Variants in CADPS observed in about 807,000 individuals in gnomAD.
CADPS encodes the protein calcium dependent secretion activator, also known as calcium-dependent secretion activator 1.
Under a neutral mutation model 167.3 loss-of-function variants are expected in CADPS, and 57 were observed. The ratio of observed to expected loss-of-function variants is 0.34; its 90% CI spans 0.28 to 0.42. The LOEUF (loss-of-function observed/expected upper bound fraction) is 0.42, where lower values mean the gene tolerates loss of function less well. CADPS is among the 20% of genes least tolerant of loss of function. CADPS has a pLI of 1.00. For synonymous variants in CADPS, 676 were observed against 635.3 expected (o/e 1.06, Z -0.96); for missense variants, 1,414 against 1,738.1 (o/e 0.81, Z 3.32).
At chr3:62,493,955 G>GT (rs1251797670) in intron 18 of CADPS, among the ~76,000 whole-genome samples, 1 of 152,168 alleles carries the variant, frequency 6.6e-6, no homozygotes, top group Non-Finnish European at 1.5e-5. Context: ...AAGTGTAAAC[G>GT]TTTTTTAAGC....
Position 62,544,261 on chromosome 3 carries a change from A to G in CADPS, c.1966+5642T>C, listed in dbSNP as rs1382446849. ...TTAAGCCAGCTAGAATGAACTCTTT[A>G]GTGTTCAAATAATGCATTTGCTTTC... On this transcript the variant is annotated intron_variant, in intron 11 of 29. Coordinates refer to ENST00000383710, the MANE Select transcript of CADPS (RefSeq NM_003716.4). The surrounding 1 kb of genome is among the most constrained non-coding windows in gnomAD (Gnocchi z 4.4). Among the ~76,000 whole-genome samples, 1 of 152,132 alleles carries G rather than the reference A, an allele frequency of 6.6e-6. No individual in the cohort carries two copies. Among genetic ancestry groups the G allele is most frequent in the East Asian group, 1.9e-4 (1 of 5,198 alleles).
At chr3:62,837,212 A>G (rs561282107) in intron 1 of CADPS, among the ~76,000 whole-genome samples, 1 of 152,288 alleles carries the variant, frequency 6.6e-6, no homozygotes, top group South Asian at 2.1e-4. Flanking sequence ...CATCTTACAT[A>G]AGGAAACTGA....
At chr3:62,467,962 A>G (rs576190124) in intron 24 of CADPS, among the ~76,000 whole-genome samples, 2 of 152,296 alleles carry the variant, frequency 1.3e-5, no homozygotes, top group African/African-American at 4.8e-5. Flanking sequence ...AGACAGTCTT[A>G]TCACTTAGTC....
Position 62,478,539 on chromosome 3 carries a change from T to C in CADPS, c.3174-123A>G, listed in dbSNP as rs1249710991. On this transcript the variant is annotated intron_variant, in intron 22 of 29. Coordinates refer to ENST00000383710, the MANE Select transcript of CADPS (RefSeq NM_003716.4). The surrounding 1 kb of genome is among the most constrained non-coding windows in gnomAD (Gnocchi z 5.7). ...GCTTCAACATACAAAACAACGTGTG[T>C]TGGCGGTGGAGGCGGGGGCGAGTCT... 7.9e-6 allele frequency: 7 copies of C among 885,598 alleles called. No individual in the cohort carries two copies. The highest frequency in any genetic ancestry group is 1.2e-5 in the Non-Finnish European group (7 of 583,324). 54.9% of individuals were successfully genotyped at this position (885,598 alleles called of 1,614,324 possible).
chr3:62,456,703 A>T (rs967617866), intron 26 of CADPS, among the ~76,000 whole-genome samples: 1 of 150,734 alleles, frequency 6.6e-6, no homozygotes, highest in Non-Finnish European at 1.5e-5. Flanking sequence ...ACTCAGTGGT[A>T]TGCTGGTTTC....
chr3:62,599,844 A>ATAT (rs1384093699), intron 6 of CADPS, among the ~76,000 whole-genome samples: 63 of 6,056 alleles, frequency 0.01, 1 homozygote, highest in Non-Finnish European at 0.02. Flanking sequence ...AATATATTAT[A>ATAT]TATATATAAT....
intron 17 of CADPS, among the ~76,000 whole-genome samples, chr3:62,507,154 C>T (rs185382720): frequency 2.0e-5 from 3 of 152,228 alleles, no homozygotes; most frequent in Non-Finnish European, 1.5e-5. Context: ...CTGTCTTGGG[C>T]GGGAGCTTGG....
At chr3:62,407,135 A>ACATCATCATCATCATCAT (rs79885636) in intron 28 of CADPS, among the ~76,000 whole-genome samples, 2 of 151,114 alleles carry the variant, frequency 1.3e-5, no homozygotes, top group Non-Finnish European at 3.0e-5. Context: ...ACTGCAATCA[A>ACATCATCATCATCATCAT]CATCATCATC....
At chr3:62,600,611 T>C (rs756624520) in intron 6 of CADPS, among the ~76,000 whole-genome samples, 9 of 152,198 alleles carry the variant, frequency 5.9e-5, no homozygotes, top group Non-Finnish European at 1.3e-4. Context: ...CAAATAGTGC[T>C]CCATTTAGGA....
chr3:62,810,269 A>G (rs1223283731), intron 1 of CADPS, among the ~76,000 whole-genome samples: 1 of 152,164 alleles, frequency 6.6e-6, no homozygotes, highest in African/African-American at 2.4e-5. Flanking sequence ...TTTTTCCTCT[A>G]AAAGGTAAAG....
intron 3 of CADPS, among the ~76,000 whole-genome samples, chr3:62,706,545 G>C (rs1021211390): frequency 6.6e-6 from 1 of 152,132 alleles, no homozygotes; most frequent in African/African-American, 2.4e-5. Context: ...TACTGGGCTG[G>C]AAGTCCAAGA....
In CADPS at chr3:62,529,822, T is replaced by C. The variant is rs559076990; in HGVS notation, c.2291+3049A>G. ...ATGATGAAGCATACAGCATACACGCTTGAGAATTTTGGGTAGCTTGGCAAT... is the reference window on the plus strand; with the variant it reads ...ATGATGAAGCATACAGCATACACGCCTGAGAATTTTGGGTAGCTTGGCAAT... On this transcript the variant is annotated intron_variant, in intron 13 of 29. Transcript: ENST00000383710. 3.9e-5 allele frequency among the ~76,000 whole-genome samples: 6 copies of C among 152,272 alleles called. No homozygotes were observed. The East Asian group carries it at 1.2e-3, about 29-fold the overall frequency.
intron 3 of CADPS, among the ~76,000 whole-genome samples, chr3:62,743,764 T>C (rs982580818): frequency 3.3e-5 from 5 of 152,182 alleles, no homozygotes; most frequent in Non-Finnish European, 7.4e-5. Context: ...TAGTCTCCAT[T>C]GAATAGATGC....
chr3:62,595,778 G>A (rs932105041), intron 6 of CADPS, among the ~76,000 whole-genome samples: 1 of 152,124 alleles, frequency 6.6e-6, no homozygotes, highest in African/African-American at 2.4e-5. Context: ...TGCCAAAAGA[G>A]ATTAACATTT....
intron 1 of CADPS, among the ~76,000 whole-genome samples, chr3:62,829,796 A>T (rs1239118778): frequency 1.3e-5 from 2 of 152,184 alleles, no homozygotes; most frequent in Non-Finnish European, 2.9e-5. Flanking sequence ...TTTGATACAG[A>T]GCCAAAAAAT....
At chr3:62,803,480 T>C (rs904862979) in intron 1 of CADPS, among the ~76,000 whole-genome samples, 1 of 152,022 alleles carries the variant, frequency 6.6e-6, no homozygotes, top group African/African-American at 2.4e-5. Flanking sequence ...TGGCATCTAG[T>C]GGGTAGAAGG....
chr3:62,592,500 G>C (rs2086279550), intron 7 of CADPS, 137 bp downstream of exon 7: 2 of 644,606 alleles, frequency 3.1e-6, no homozygotes, highest in South Asian at 1.9e-5. Context: ...AGCCAATGTA[G>C]AGTGGAGTCC....
rs1440189120 is a variant in CADPS, at chr3:62,399,069, T to G, written c.*337A>C. On this transcript the variant is annotated 3_prime_UTR_variant, in exon 30 of 30. Transcript: ENST00000383710. The surrounding 1 kb of genome is among the most constrained non-coding windows in gnomAD (Gnocchi z 5.6). ...TTGATGTACTTGCCCTCACATCCAT[T>G]TACCACCAATGCATACATAGTACAT... The G allele has an allele frequency of 5.5e-6, 1 of 182,994 alleles. No homozygotes were observed. The highest frequency in any genetic ancestry group is 2.3e-5 in the African/African-American group (1 of 42,784). The allele number at this position is 182,994 out of a possible 1,614,324, so 11.3% of individuals were successfully genotyped here. A position where few individuals can be genotyped will look rare whatever the true frequency, so the allele number is the denominator to read the frequency against.
intron 4 of CADPS, among the ~76,000 whole-genome samples, chr3:62,653,456 T>G (rs2070748900): frequency 6.6e-6 from 1 of 152,160 alleles, no homozygotes; most frequent in South Asian, 2.1e-4. Context: ...AAATTTCTCT[T>G]GTTTATGTCA....
Sources: gnomAD v4.1 joint callset for allele counts (sites outside exome capture counted in the v4.1 genomes callset) on GRCh38, gnomAD v4.1.1 for gene constraint, Gnocchi (gnomAD v3.1) non-coding constraint, MANE v1.5 for transcripts, NCBI Gene and HGNC (gene_info 2026-07-23, HGNC 2026-07-21) for gene names.